The following CAMTA1 variants were observed in gnomAD, a reference collection of about 807,000 sequenced individuals.
CAMTA1 encodes calmodulin-binding transcription activator 1.
A neutral mutation model predicts 170.9 loss-of-function variants in CAMTA1; 27 were observed. The observed-to-expected ratio is 0.16, with a 90% CI of 0.12 to 0.22. The LOEUF (loss-of-function observed/expected upper bound fraction) is 0.22, where lower values mean the gene tolerates loss of function less well. Among genes scored for constraint, CAMTA1 ranks in the 10% least tolerant of loss-of-function variants. The pLI is 1.00. For missense variants in CAMTA1, 1,619 were observed against 2,217.2 expected, an observed-to-expected ratio of 0.73 and a Z score of 5.42; for synonymous variants, 833 against 891.5, an observed-to-expected ratio of 0.93 and a Z score of 1.17.
rs114670624 is a variant in CAMTA1, at chr1:7,228,680, C to T, written c.303-20811C>T. On this transcript the variant is annotated intron_variant, in intron 4 of 22. Coordinates refer to ENST00000303635, the MANE Select transcript of CAMTA1 (RefSeq NM_015215.4). The stretch of plus-strand genomic sequence containing the variant: ...TACAGGGGCCTCGGACCGGGGATGG[C>T]GTTGCGGCACAGGAGGGGTGAGAAC... 4.8e-3 allele frequency among the ~76,000 whole-genome samples: 730 copies of T among 152,274 alleles called. 3 individuals carry two copies. Among genetic ancestry groups the T allele is most frequent in the African/African-American group, 0.016 (677 of 41,554 alleles).
At chr1:6,917,852 G>C (rs77346473) in intron 3 of CAMTA1, among the ~76,000 whole-genome samples, 1 of 30,740 alleles carries the variant, frequency 3.3e-5, no homozygotes, top group Middle Eastern at 0.018. Context: ...CATCGGGGGC[G>C]GGGGGGGACA....
At chr1:7,283,980 G>C (rs1443077180) in intron 5 of CAMTA1, among the ~76,000 whole-genome samples, 1 of 152,122 alleles carries the variant, frequency 6.6e-6, no homozygotes, top group South Asian at 2.1e-4. Flanking sequence ...TATCCAAGTT[G>C]AGTCCCAGTT....
At chr1:7,175,659 G>T (rs984070354) in intron 4 of CAMTA1, among the ~76,000 whole-genome samples, 2 of 152,232 alleles carry the variant, frequency 1.3e-5, no homozygotes, top group African/African-American at 4.8e-5. Flanking sequence ...CACCCCAGCC[G>T]CTTGAAGCGG....
rs115395437 is a variant in CAMTA1, at chr1:7,019,128, G to A, written c.235-72176G>A. On this transcript the variant is annotated intron_variant, in intron 3 of 22. Coordinates refer to ENST00000303635, the MANE Select transcript of CAMTA1 (RefSeq NM_015215.4). ...GAGCGGTGCCTGGGTTCCGCGAAAT[G>A]CCTCAGAGCCATGACTTTCTGCTTC... is the stretch of plus-strand genomic sequence containing the variant. Among the ~76,000 whole-genome samples, 762 of 152,296 alleles carry A rather than the reference G, an allele frequency of 5.0e-3. 6 individuals carry two copies. Among genetic ancestry groups the A allele is most frequent in the African/African-American group, 0.018 (729 of 41,560 alleles).
intron 6 of CAMTA1, among the ~76,000 whole-genome samples, chr1:7,495,394 G>A (rs926264849): frequency 6.6e-6 from 1 of 152,128 alleles, no homozygotes; most frequent in African/African-American, 2.4e-5. Flanking sequence ...GTAGGGAGAG[G>A]AGGCGATGAA....
chr1:7,744,754 C>T, intron 16 of CAMTA1, 81 bp from the exon 17 acceptor site: 1 of 1,249,302 alleles, frequency 8.0e-7, no homozygotes, highest in Non-Finnish European at 1.1e-6. Flanking sequence ...TTTTTCTCTC[C>T]AAGGCGAGGC....
rs1194528891 is a variant in CAMTA1 at position 7,415,317 on chromosome 1, T to TA, written c.439-52511dup. On this transcript the variant is annotated intron_variant, in intron 5 of 22. Transcript: ENST00000303635. Reference sequence around the variant, plus strand: ...GAGTTCAATTCCTGGGTATCCTTGTTAACTTTCTGTCTCGTTGATCTTTCT... The same window carrying TA: ...GAGTTCAATTCCTGGGTATCCTTGTTAAACTTTCTGTCTCGTTGATCTTTCT... Among the ~76,000 whole-genome samples the TA allele has an allele frequency of 1.5e-3, 226 of 151,254 alleles. 5 individuals are homozygous for TA. In the East Asian group the frequency reaches 0.037, roughly 25 times the overall value.
chr1:7,023,955 C>T (rs4908585), intron 3 of CAMTA1, among the ~76,000 whole-genome samples: 8 of 145,992 alleles, frequency 5.5e-5, no homozygotes, highest in African/African-American at 1.8e-4. Flanking sequence ...TTGAATCTGG[C>T]GGGGTGGAGC....
chr1:7,263,355 T>G (rs1247759657), intron 5 of CAMTA1, among the ~76,000 whole-genome samples: 1 of 152,202 alleles, frequency 6.6e-6, no homozygotes, highest in Non-Finnish European at 1.5e-5. Flanking sequence ...AAACCAGAAA[T>G]GAAACAGAGC....
intron 22 of CAMTA1, among the ~76,000 whole-genome samples, chr1:7,765,396 ATAAT>A (rs777952112): frequency 3.3e-5 from 5 of 152,376 alleles, no homozygotes; most frequent in African/African-American, 7.2e-5. Flanking sequence ...ATTGGCAGTG[ATAAT>A]TAATAAGTAA....
At chr1:7,541,075 G>T (rs2094606253) in intron 6 of CAMTA1, among the ~76,000 whole-genome samples, 1 of 152,256 alleles carries the variant, frequency 6.6e-6, no homozygotes, top group Admixed American at 6.5e-5. Flanking sequence ...GGGCAGGACA[G>T]AGTGACCTTC....
At chr1:6,822,824 A>ACG (rs960132332) in intron 2 of CAMTA1, among the ~76,000 whole-genome samples, 1 of 151,312 alleles carries the variant, frequency 6.6e-6, no homozygotes, top group African/African-American at 2.4e-5. Context: ...ACACACACAC[A>ACG]CAAACACACA....
Position 7,633,332 on chromosome 1 carries a change from C to T in CAMTA1, c.511-7068C>T, listed in dbSNP as rs1458453476. Among the ~76,000 whole-genome samples the T allele has an allele frequency of 6.6e-6, 1 of 152,202 alleles. No homozygotes were observed. Among genetic ancestry groups the T allele is most frequent in the Non-Finnish European group, 1.5e-5 (1 of 68,030 alleles). ...GCTCCAAATGCATTTCCAGGAGGCA[C>T]AGCTGGGTTAAGGGACAAGCTGAAC... On this transcript the variant is annotated intron_variant, in intron 6 of 22. Transcript: ENST00000303635. This position sits in a 1 kb window ranked among gnomAD's most constrained non-coding sequence, Gnocchi z 4.1.
chr1:7,376,780 C>T (rs1364516110), intron 5 of CAMTA1, among the ~76,000 whole-genome samples: 1 of 152,148 alleles, frequency 6.6e-6, no homozygotes, highest in Non-Finnish European at 1.5e-5. Context: ...TCTCTTTTGC[C>T]CTGGAGATGG....
At chr1:7,125,654 G>A (rs922833250) in intron 4 of CAMTA1, among the ~76,000 whole-genome samples, 2 of 152,198 alleles carry the variant, frequency 1.3e-5, no homozygotes, top group African/African-American at 4.8e-5. Flanking sequence ...GGATTGCAGA[G>A]GCTAGAGGAA....
At chr1:7,142,688 C>T (rs1258163059) in intron 4 of CAMTA1, among the ~76,000 whole-genome samples, 3 of 152,164 alleles carry the variant, frequency 2.0e-5, no homozygotes, top group Non-Finnish European at 4.4e-5. Flanking sequence ...TCCTGGCTTC[C>T]TCTCTTGCCA....
chr1:7,590,478 A>G (rs1225309133), intron 6 of CAMTA1, among the ~76,000 whole-genome samples: 2 of 152,224 alleles, frequency 1.3e-5, no homozygotes, highest in East Asian at 3.9e-4. Flanking sequence ...GGGAACCTGC[A>G]GTGGCCCCTT....
At chr1:7,480,447 C>T (rs2093510542) in intron 6 of CAMTA1, among the ~76,000 whole-genome samples, 1 of 151,766 alleles carries the variant, frequency 6.6e-6, no homozygotes, top group East Asian at 1.9e-4. Flanking sequence ...GATATCCTCG[C>T]CCCTAGTTCC....
At chr1:7,756,894 C>A (rs2096935439) in intron 22 of CAMTA1, among the ~76,000 whole-genome samples, 1 of 152,072 alleles carries the variant, frequency 6.6e-6, no homozygotes, top group Non-Finnish European at 1.5e-5. Context: ...GAATAGAATT[C>A]ATCAAAATTT....
Sources: gnomAD v4.1 joint callset for allele counts (sites outside exome capture counted in the v4.1 genomes callset) on GRCh38, gnomAD v4.1.1 for gene constraint, Gnocchi (gnomAD v3.1) non-coding constraint, MANE v1.5 for transcripts, NCBI Gene and HGNC (gene_info 2026-07-23, HGNC 2026-07-21) for gene names.